The following POLD2 variants were observed in gnomAD, a reference collection of about 807,000 sequenced individuals.
POLD2 encodes DNA polymerase delta subunit 2.
In POLD2, 31 loss-of-function variants were observed where a neutral mutation model predicts 48.8. That is an observed-to-expected ratio of 0.64 (90% CI 0.48 to 0.86). The LOEUF (loss-of-function observed/expected upper bound fraction) is 0.86. Among genes scored for constraint, POLD2 ranks in the 40% least tolerant of loss-of-function variants. POLD2 has a pLI of 0.00. For missense variants in POLD2, 455 were observed against 610.1 expected (o/e 0.75, Z 2.68); for synonymous variants, 233 against 256.3 (o/e 0.91, Z 0.87).
intron 2 of POLD2, among the ~76,000 whole-genome samples, chr7:44,119,625 T>C (rs2908280): frequency 0.59 from 89,847 of 152,126 alleles, 27,377 homozygotes; most frequent in African/African-American, 0.74. Flanking sequence ...GGTTAAGCAA[T>C]GTGTCCAAGG....
At chr7:44,122,565 A>G (rs1486509014) in intron 1 of POLD2, 5 of 519,930 alleles carry the variant, frequency 9.6e-6, no homozygotes, top group Non-Finnish European at 1.2e-5. Flanking sequence ...CAAAACATAA[A>G]TCAGTCACTG....
intron 1 of POLD2, chr7:44,123,305 G>T: frequency 7.3e-7 from 1 of 1,365,080 alleles, no homozygotes; most frequent in Non-Finnish European, 9.4e-7. Context: ...GAACGTGCTT[G>T]ATGGCGGCAG....
intron 1 of POLD2, 173 bp from the exon 2 acceptor site, chr7:44,122,282 C>T: frequency 7.1e-7 from 1 of 1,406,024 alleles, no homozygotes; most frequent in South Asian, 1.6e-5. Flanking sequence ...GATGTCTCAC[C>T]CTGTAGCGGT....
chr7:44,115,037 C>G lies in POLD2; in HGVS notation c.1250-92G>C, dbSNP rs1479722593. 2.6e-6 allele frequency: 3 copies of G among 1,135,554 alleles called. No individual in the cohort carries two copies. The East Asian group carries it at 7.7e-5, about 29-fold the overall frequency. The allele number at this position is 1,135,554 out of a possible 1,614,324, so 70.3% of individuals were successfully genotyped here. A position where few individuals can be genotyped will look rare whatever the true frequency, so the allele number is the denominator to read the frequency against. On this transcript the variant is annotated intron_variant, in intron 10 of 10. Transcript: ENST00000610533. ...AGAAATAAACAGGAGTCCCCATTGG[C>G]ACACAGTGGGGCAGTGACAATAGGA... is the stretch of plus-strand genomic sequence containing the variant.
Position 44,117,637 on chromosome 7 carries a change from C to G in POLD2, c.448G>C (p.Val150Leu), listed in dbSNP as rs771866675. The change falls in exon 4 of 11, where the codon GTG becomes CTG. Residue 150 changes from valine (V) to leucine (L), a missense_variant. Transcript: ENST00000610533. ...QRIKLKGTID[V>L]SKLVTGTVLA... ...TCCCTACCCGTAACCAGCTTTGACA[C>G]GTCAATGGTGCCTTTTAGTTTGATA... The G allele has an allele frequency of 6.2e-7, 1 of 1,606,844 alleles. No homozygotes were observed.
chr7:44,117,303 C>T (rs1177094405), intron 4 of POLD2, 56 bp from the exon 5 acceptor site: 5 of 1,292,170 alleles, frequency 3.9e-6, no homozygotes, highest in East Asian at 2.4e-5. Flanking sequence ...ACCACTCCTT[C>T]CAGTCACCCC....
chr7:44,121,742 G>C lies in POLD2; in HGVS notation c.220+92C>G, dbSNP rs748401208. The C allele has an allele frequency of 3.4e-5, 42 of 1,239,232 alleles. No individual in the cohort carries two copies. Among genetic ancestry groups the C allele is most frequent in the Non-Finnish European group, 1.7e-5 (15 of 896,720 alleles). 76.8% of individuals were successfully genotyped at this position (1,239,232 alleles called of 1,614,324 possible). A position where few individuals can be genotyped will look rare whatever the true frequency, so the allele number is the denominator to read the frequency against. ...ATTTTCCCAAGGTAACAGGAAGTGG[G>C]ATCAATTAGATAAACTGTTCCCATT... On this transcript the variant is annotated intron_variant, in intron 2 of 10. Transcript: ENST00000610533. This position sits in a 1 kb window ranked among gnomAD's most constrained non-coding sequence, Gnocchi z 4.5.
chr7:44,123,738 G>T (rs369311961), upstream of POLD2: 2 of 1,333,698 alleles, frequency 1.5e-6, no homozygotes, highest in Non-Finnish European at 1.9e-6. Flanking sequence ...AACGCGGGGC[G>T]GGGGCTCGCA....
intron 1 of POLD2, chr7:44,122,515 A>G (rs1025681285): frequency 2.1e-6 from 2 of 940,466 alleles, no homozygotes; most frequent in Non-Finnish European, 2.5e-6. Flanking sequence ...CTGTGAAATA[A>G]TAAGCCTATT....
In POLD2 at chr7:44,121,282, G is replaced by C. The variant is rs1300159042; in HGVS notation, c.220+552C>G. ...AATCCAACTGCAGGAGAGATCACCA[G>C]GGAAGAAATGGGGGCAAAGAACAAG... is the stretch of plus-strand genomic sequence containing the variant. On this transcript the variant is annotated intron_variant, in intron 2 of 10. Transcript: ENST00000610533. The surrounding 1 kb of genome is among the most constrained non-coding windows in gnomAD (Gnocchi z 4.5). Among the ~76,000 whole-genome samples, 1 of 152,076 alleles carries C rather than the reference G, an allele frequency of 6.6e-6. No homozygotes were observed. Among genetic ancestry groups the C allele is most frequent in the African/African-American group, 2.4e-5 (1 of 41,382 alleles).
chr7:44,117,317 G>T (rs929061966), intron 4 of POLD2, 70 bp from the exon 5 acceptor site: 2 of 1,155,358 alleles, frequency 1.7e-6, no homozygotes, highest in East Asian at 2.5e-5. Flanking sequence ...TCACCCCAAC[G>T]GGCAAAACAA....
In POLD2 at chr7:44,116,065, C is replaced by T; in HGVS notation, c.1019+50G>A. The stretch of plus-strand genomic sequence containing the variant: ...CCTCCCTCCCCTCCCTTCTTTGTGC[C>T]TCCTGAGGCAAAAGGCTGGGTCAGA... On this transcript the variant is annotated intron_variant, in intron 8 of 10. Transcript: ENST00000610533. This position sits in a 1 kb window ranked among gnomAD's most constrained non-coding sequence, Gnocchi z 6.1. The T allele has an allele frequency of 6.2e-7, 1 of 1,611,904 alleles. No individual in the cohort carries two copies. Among genetic ancestry groups the T allele is most frequent in the Non-Finnish European group, 8.5e-7 (1 of 1,178,762 alleles).
At chr7:44,122,403 A>C in intron 1 of POLD2, 1 of 1,127,080 alleles carries the variant, frequency 8.9e-7, no homozygotes, top group Non-Finnish European at 1.1e-6. Flanking sequence ...GGTCTCAATC[A>C]AGTTCAGTTT....
chr7:44,123,693 A>T, upstream of POLD2: 1 of 1,353,538 alleles, frequency 7.4e-7, no homozygotes, highest in East Asian at 3.1e-5. Context: ...TGGGACGCCC[A>T]GAGAACGCGG....
rs764256270 is a variant in POLD2, at chr7:44,117,657, T to C, written c.428A>G (p.Lys143Arg). The stretch of plus-strand genomic sequence containing the variant: ...TGACACGTCAATGGTGCCTTTTAGT[T>C]TGATACGCTGCAGTTCATCTTCCAA... ...LVLEDELQRIKLKGTIDVSKL... is the reference protein window; with the variant it reads ...LVLEDELQRIRLKGTIDVSKL... Residue 143 changes from lysine (K) to arginine (R), a missense_variant, in exon 4 of 11, where the codon AAA becomes AGA. By Grantham distance (26) the Lys-to-Arg change is conservative (BLOSUM62 2). Coordinates refer to ENST00000610533, the MANE Select transcript of POLD2 (RefSeq NM_006230.4). 6.2e-6 allele frequency: 10 copies of C among 1,609,708 alleles called. No individual in the cohort carries two copies. The highest frequency in any genetic ancestry group is 8.5e-6 in the Non-Finnish European group (10 of 1,177,990).
Position 44,116,007 on chromosome 7 carries a change from G to A in POLD2, c.1019+108C>T. 6.3e-7 allele frequency: 1 copy of A among 1,592,940 alleles called. No individual in the cohort carries two copies. Among genetic ancestry groups the A allele is most frequent in the South Asian group, 1.1e-5 (1 of 89,536 alleles). On this transcript the variant is annotated intron_variant, in intron 8 of 10. Transcript: ENST00000610533. The surrounding 1 kb of genome is among the most constrained non-coding windows in gnomAD (Gnocchi z 6.1). Reference sequence around the variant, plus strand: ...CCCAGAGAGAAGGAACAGATGCTAGGTGGGCCTCTGCAGCCCTGCCACCTT... The same window carrying A: ...CCCAGAGAGAAGGAACAGATGCTAGATGGGCCTCTGCAGCCCTGCCACCTT...
Position 44,116,259 on chromosome 7 carries a change from A to G in POLD2, c.875T>C (p.Val292Ala). The G allele has an allele frequency of 6.2e-7, 1 of 1,610,266 alleles. No individual in the cohort carries two copies. The highest frequency in any genetic ancestry group is 8.5e-7 in the Non-Finnish European group (1 of 1,177,916). Residue 292 changes from valine to alanine, a missense_variant, in exon 8 of 11, where the codon GTG becomes GCG. By Grantham distance (64) the Val-to-Ala change is moderately conservative. Coordinates refer to ENST00000610533, the MANE Select transcript of POLD2 (RefSeq NM_006230.4). This position sits in a 1 kb window ranked among gnomAD's most constrained non-coding sequence, Gnocchi z 6.1. ...ILLQLSASVP[V>A]DVMPGEFDPT... is the part of the protein sequence containing the mutation. ...ATCAAACTCGCCTGGCATCACGTCC[A>G]CGGGCACTGAGGCCTGGAAGGCACA...
chr7:44,121,058 G>C lies in POLD2; in HGVS notation c.220+776C>G, dbSNP rs1428847865. Among the ~76,000 whole-genome samples the C allele has an allele frequency of 6.6e-6, 1 of 152,168 alleles. No individual in the cohort carries two copies. The highest frequency in any genetic ancestry group is 1.5e-5 in the Non-Finnish European group (1 of 68,032). The stretch of plus-strand genomic sequence containing the variant: ...CTAGGGCTGAGATCCATTTTGCCTG[G>C]TGCCAAGGACAGTAAAAATGAGTAA... On this transcript the variant is annotated intron_variant, in intron 2 of 10. Transcript: ENST00000610533. This position sits in a 1 kb window ranked among gnomAD's most constrained non-coding sequence, Gnocchi z 4.5.
chr7:44,115,066 C>T, intron 10 of POLD2, 121 bp from the exon 11 acceptor site: 1 of 943,950 alleles, frequency 1.1e-6, no homozygotes. Flanking sequence ...AATAGGAGAC[C>T]AGAGATTAGC....
Sources: allele counts gnomAD v4.1 joint callset (sites outside exome capture counted in the v4.1 genomes callset), GRCh38; gene constraint gnomAD v4.1.1; non-coding constraint Gnocchi (gnomAD v3.1); transcripts MANE v1.5; gene names NCBI Gene and HGNC (gene_info 2026-07-23, HGNC 2026-07-21).